PCDH9: variants seen among roughly 807,000 people sequenced by gnomAD.
PCDH9 encodes protocadherin-9.
A neutral mutation model predicts 70.6 loss-of-function variants in PCDH9; 24 were observed. That is an observed-to-expected ratio of 0.34 (90% confidence interval 0.25 to 0.48). The LOEUF (loss-of-function observed/expected upper bound fraction) is 0.48. PCDH9 is among the 20% of genes least tolerant of loss of function. The pLI, the probability that PCDH9 is intolerant of heterozygous loss-of-function variation, is 0.99. For synonymous variants in PCDH9, 562 were observed against 558.5 expected (o/e 1.01, Z -0.09); for missense variants, 1,281 against 1,503.6 (o/e 0.85, Z 2.45).
At chr13:66,560,397 C>T (rs960977267) in intron 4 of PCDH9, among the ~76,000 whole-genome samples, 1 of 151,106 alleles carries the variant, frequency 6.6e-6, no homozygotes, top group African/African-American at 2.5e-5. Context: ...TCCAGTGGCC[C>T]TGAGGGACCA....
At chr13:66,711,634 G>A (rs183019247) in intron 3 of PCDH9, among the ~76,000 whole-genome samples, 140 of 152,180 alleles carry the variant, frequency 9.2e-4, no homozygotes, top group African/African-American at 3.1e-3. Context: ...TAGACATTGG[G>A]TTATCTTAGT....
Position 66,921,023 on chromosome 13 carries a change from TTGAC to T in PCDH9, c.3037-17422_3037-17419del, listed in dbSNP as rs548013948. ...GAATTTAGGAATGAAGGTTTCTTCT[TTGAC>T]TGAAGATGATCAATGCTTATACTGA... On this transcript the variant is annotated intron_variant, in intron 2 of 4. Transcript: ENST00000377865. Among the ~76,000 whole-genome samples, 321 of 151,272 alleles carry T rather than the reference TTGAC, an allele frequency of 2.1e-3. 1 individual carries two copies. The highest frequency in any genetic ancestry group is 6.8e-3 in the Middle Eastern group (2 of 294).
Position 67,227,417 on chromosome 13 carries a change from C to A in PCDH9, c.1024G>T (p.Ala342Ser). The change falls in exon 2 of 5, where the codon GCA becomes TCA. Residue 342 changes from alanine to serine, a missense_variant. By Grantham distance (99) the Ala-to-Ser change is moderately conservative. Coordinates refer to ENST00000377865, the MANE Select transcript of PCDH9 (RefSeq NM_203487.3). The surrounding 1 kb of genome is among the most constrained non-coding windows in gnomAD (Gnocchi z 4.6). ...ASDGSSTPAR[A>S]TVTINVTDVN... ...TCGGTGACATTGATGGTAACCGTTGCTCGAGCAGGAGTGGAGCTGCCGTCA... is the reference window on the plus strand; with the variant it reads ...TCGGTGACATTGATGGTAACCGTTGATCGAGCAGGAGTGGAGCTGCCGTCA... The A allele has an allele frequency of 6.2e-7, 1 of 1,613,928 alleles. No homozygotes were observed.
chr13:66,814,831 T>A (rs1177049019), intron 3 of PCDH9, among the ~76,000 whole-genome samples: 1 of 152,160 alleles, frequency 6.6e-6, no homozygotes, highest in Non-Finnish European at 1.5e-5. Flanking sequence ...GGAAATACCA[T>A]TCTGGACATA....
chr13:67,181,133 A>G (rs1386786651), intron 2 of PCDH9, among the ~76,000 whole-genome samples: 1 of 152,196 alleles, frequency 6.6e-6, no homozygotes, highest in African/African-American at 2.4e-5. Flanking sequence ...AAAAGGCATT[A>G]ACATAATGCT....
chr13:66,852,961 C>T (rs182338632), intron 3 of PCDH9, among the ~76,000 whole-genome samples: 16 of 151,058 alleles, frequency 1.1e-4, no homozygotes, highest in East Asian at 3.9e-4. Flanking sequence ...ACACAGCAAA[C>T]GCAGAAGGAA....
chr13:66,422,702 G>C (rs188363307), intron 4 of PCDH9, among the ~76,000 whole-genome samples: 1 of 152,032 alleles, frequency 6.6e-6, no homozygotes, highest in East Asian at 1.9e-4. Flanking sequence ...AGGAGAAAGT[G>C]GGAAAGATCT....
At chr13:67,078,821 TA>T (rs1359390102) in intron 2 of PCDH9, among the ~76,000 whole-genome samples, 1 of 152,132 alleles carries the variant, frequency 6.6e-6, no homozygotes, top group Non-Finnish European at 1.5e-5. Context: ...ATTCTTTAAA[TA>T]AAGTAATATT....
chr13:66,801,652 T>C (rs1187132191), intron 3 of PCDH9, among the ~76,000 whole-genome samples: 1 of 152,098 alleles, frequency 6.6e-6, no homozygotes, highest in Non-Finnish European at 1.5e-5. Context: ...AACTAATATG[T>C]GAATTCAAGA....
intron 2 of PCDH9, among the ~76,000 whole-genome samples, chr13:67,151,243 G>A (rs2087652895): frequency 6.6e-6 from 1 of 151,912 alleles, no homozygotes; most frequent in Admixed American, 6.6e-5. Context: ...CTTGAAATAG[G>A]GCCATTTATT....
At chr13:66,478,310 G>T (rs893425750) in intron 4 of PCDH9, among the ~76,000 whole-genome samples, 1 of 152,032 alleles carries the variant, frequency 6.6e-6, no homozygotes, top group African/African-American at 2.4e-5. Context: ...CTAAAACAAA[G>T]CAATATTGAA....
intron 2 of PCDH9, among the ~76,000 whole-genome samples, chr13:67,147,292 TG>T (rs1463166704): frequency 6.6e-6 from 1 of 152,148 alleles, no homozygotes; most frequent in Non-Finnish European, 1.5e-5. Context: ...AAAAATAAAA[TG>T]GTTTTATCTT....
At chr13:67,081,799 T>G (rs1227535058) in intron 2 of PCDH9, among the ~76,000 whole-genome samples, 1 of 152,184 alleles carries the variant, frequency 6.6e-6, no homozygotes, top group East Asian at 1.9e-4. Flanking sequence ...TAACATTCCT[T>G]TCCTACTTTC....
chr13:66,539,052 A>C (rs942886067), intron 4 of PCDH9, among the ~76,000 whole-genome samples: 7 of 152,154 alleles, frequency 4.6e-5, no homozygotes, highest in Non-Finnish European at 8.8e-5. Context: ...AGAAAATAGA[A>C]GCAAAAATGT....
chr13:66,895,429 G>A (rs1344465309), intron 3 of PCDH9, among the ~76,000 whole-genome samples: 4 of 152,086 alleles, frequency 2.6e-5, no homozygotes, highest in Admixed American at 6.6e-5. Context: ...CATATATGTG[G>A]ATGACTGTCA....
intron 4 of PCDH9, among the ~76,000 whole-genome samples, chr13:66,442,712 G>A (rs1280012452): frequency 2.0e-5 from 3 of 151,794 alleles, no homozygotes; most frequent in Admixed American, 6.6e-5. Flanking sequence ...GAACTTTAGC[G>A]ATAATATTAT....
chr13:66,819,473 C>G (rs141761276), intron 3 of PCDH9, among the ~76,000 whole-genome samples: 10 of 151,974 alleles, frequency 6.6e-5, no homozygotes, highest in African/African-American at 2.4e-4. Context: ...ACTTTTACTA[C>G]GATAAAAAAT....
At chr13:66,542,167 T>A (rs900645959) in intron 4 of PCDH9, among the ~76,000 whole-genome samples, 2 of 152,142 alleles carry the variant, frequency 1.3e-5, no homozygotes, top group Admixed American at 6.6e-5. Flanking sequence ...ATCATTTCTA[T>A]CTTATTTATG....
At chr13:66,421,914 A>G (rs1301684661) in intron 4 of PCDH9, among the ~76,000 whole-genome samples, 2 of 152,226 alleles carry the variant, frequency 1.3e-5, no homozygotes, top group African/African-American at 4.8e-5. Flanking sequence ...CAGGAGACCC[A>G]TCTCATGTGC....
Sources: allele counts gnomAD v4.1 joint callset (sites outside exome capture counted in the v4.1 genomes callset), GRCh38; gene constraint gnomAD v4.1.1; non-coding constraint Gnocchi (gnomAD v3.1); transcripts MANE v1.5; gene names NCBI Gene and HGNC (gene_info 2026-07-23, HGNC 2026-07-21).